PTK2: variants seen among roughly 807,000 people sequenced by gnomAD.
The protein encoded by PTK2 is protein tyrosine kinase 2.
In PTK2, 45 loss-of-function variants were observed where a neutral mutation model predicts 150.1. The ratio of observed to expected loss-of-function variants is 0.30; its 90% confidence interval spans 0.24 to 0.38. PTK2 has a LOEUF of 0.38. Among genes scored for constraint, PTK2 ranks in the 10% least tolerant of loss-of-function variants. The pLI, the probability that PTK2 is intolerant of heterozygous loss-of-function variation, is 1.00. For missense variants in PTK2, 919 were observed against 1,307.3 expected, an observed-to-expected ratio of 0.70 and a Z score of 4.58; for synonymous variants, 432 against 449.2, an observed-to-expected ratio of 0.96 and a Z score of 0.48.
At chr8:140,973,366 T>C (rs755513304) in intron 1 of PTK2, among the ~76,000 whole-genome samples, 1 of 152,312 alleles carries the variant, frequency 6.6e-6, no homozygotes, top group Middle Eastern at 3.4e-3. Context: ...CTCCATCAAA[T>C]GGTCATTTGA....
intron 1 of PTK2, among the ~76,000 whole-genome samples, chr8:140,976,659 T>G (rs1228895270): frequency 6.6e-6 from 1 of 152,244 alleles, no homozygotes; most frequent in African/African-American, 2.4e-5. Context: ...AAGCTGATAA[T>G]GTACATTAAC....
chr8:140,686,916 C>G (rs1348832844), intron 26 of PTK2: 1 of 536,780 alleles, frequency 1.9e-6, no homozygotes, highest in African/African-American at 1.9e-5. Flanking sequence ...AGACTGGTAC[C>G]TGCACTGGCC....
intron 2 of PTK2, among the ~76,000 whole-genome samples, chr8:140,896,785 A>G (rs1280719670): frequency 2.3e-5 from 1 of 42,948 alleles, no homozygotes; most frequent in Non-Finnish European, 6.0e-5. Context: ...CCCCCCAAAA[A>G]AACGGGGGGG....
chr8:140,962,822 A>T (rs2100183823), intron 1 of PTK2, among the ~76,000 whole-genome samples: 1 of 149,930 alleles, frequency 6.7e-6, no homozygotes. Context: ...TCCCAGCATT[A>T]GTGACACTCC....
chr8:140,874,237 C>G (rs2100144270), intron 4 of PTK2, among the ~76,000 whole-genome samples: 1 of 152,194 alleles, frequency 6.6e-6, no homozygotes, highest in African/African-American at 2.4e-5. Context: ...GCTTACCAAG[C>G]TGTTTGAAGA....
At chr8:140,947,876 A>G (rs1378417123) in intron 1 of PTK2, among the ~76,000 whole-genome samples, 1 of 151,952 alleles carries the variant, frequency 6.6e-6, no homozygotes, top group South Asian at 2.2e-4. Flanking sequence ...ACCCTCGGAC[A>G]AAAAATAATA....
intron 2 of PTK2, among the ~76,000 whole-genome samples, chr8:140,902,934 T>TTTG (rs1568514690): frequency 1.3e-4 from 17 of 134,238 alleles, no homozygotes; most frequent in Non-Finnish European, 2.4e-4. Flanking sequence ...GTTTTTTTTT[T>TTTG]TTTTTTTTTT....
In PTK2 at chr8:140,675,503, T is replaced by A; in HGVS notation, c.2563-4A>T. The A allele has an allele frequency of 6.2e-7, 1 of 1,608,370 alleles. No individual in the cohort carries two copies. Among genetic ancestry groups the A allele is most frequent in the Non-Finnish European group, 8.5e-7 (1 of 1,174,928 alleles). ...GATATATATGTTGGTTTCCAATCTGTGGGAAAAGAAAAGTTCAGTCAATGC... is the reference window on the plus strand; with the variant it reads ...GATATATATGTTGGTTTCCAATCTGAGGGAAAAGAAAAGTTCAGTCAATGC... On this transcript the variant is annotated splice_polypyrimidine_tract_variant and splice_region_variant and intron_variant, in intron 27 of 31. Transcript: ENST00000522684.
At chr8:140,954,823 T>C (rs1238495052) in intron 1 of PTK2, 2 of 152,290 alleles carry the variant, frequency 1.3e-5, no homozygotes, top group African/African-American at 2.4e-5. Context: ...CCTCTTTCCA[T>C]TGCAGTCAGA....
At chr8:140,943,430 T>C (rs1299235515) in intron 1 of PTK2, among the ~76,000 whole-genome samples, 1 of 152,260 alleles carries the variant, frequency 6.6e-6, no homozygotes, top group Non-Finnish European at 1.5e-5. Flanking sequence ...TTTTTATTGC[T>C]GTATAGGATT....
At chr8:140,869,949 T>C (rs1177325109) in intron 4 of PTK2, among the ~76,000 whole-genome samples, 2 of 152,090 alleles carry the variant, frequency 1.3e-5, no homozygotes, top group East Asian at 1.9e-4. Flanking sequence ...CATATATGTG[T>C]ATAATATATA....
intron 7 of PTK2, among the ~76,000 whole-genome samples, chr8:140,840,305 G>C (rs997811291): frequency 1.3e-5 from 2 of 152,326 alleles, no homozygotes; most frequent in Admixed American, 1.3e-4. Flanking sequence ...TGGCCTCCCA[G>C]TGTGCTGGGA....
chr8:140,723,834 G>C (rs1170373154), intron 22 of PTK2, among the ~76,000 whole-genome samples: 2 of 152,182 alleles, frequency 1.3e-5, no homozygotes, highest in African/African-American at 2.4e-5. Flanking sequence ...TCCTGAAGCG[G>C]GGAAAGGAGT....
intron 30 of PTK2, among the ~76,000 whole-genome samples, chr8:140,666,803 A>G (rs1209436357): frequency 6.6e-6 from 1 of 152,224 alleles, no homozygotes; most frequent in Non-Finnish European, 1.5e-5. Flanking sequence ...GGTCTCAAAA[A>G]GATATTTGTA....
chr8:140,798,886 A>G (rs1287239100), intron 12 of PTK2, among the ~76,000 whole-genome samples: 1 of 152,226 alleles, frequency 6.6e-6, no homozygotes, highest in African/African-American at 2.4e-5. Flanking sequence ...AATAAAAAAT[A>G]AAGCACAAAG....
At chr8:140,845,422 G>C (rs1466761972) in intron 7 of PTK2, among the ~76,000 whole-genome samples, 1 of 151,734 alleles carries the variant, frequency 6.6e-6, no homozygotes, top group Non-Finnish European at 1.5e-5. Flanking sequence ...TTATCCTCTT[G>C]ACTGGCTTCC....
intron 8 of PTK2, chr8:140,822,330 T>C (rs1056732448): frequency 2.0e-5 from 3 of 148,560 alleles, no homozygotes; most frequent in Non-Finnish European, 3.0e-5. Flanking sequence ...TCTGTGCATA[T>C]AGTGCTATTA....
intron 22 of PTK2, among the ~76,000 whole-genome samples, chr8:140,720,396 A>G (rs1181626773): frequency 6.6e-6 from 1 of 152,040 alleles, no homozygotes; most frequent in Admixed American, 6.5e-5. Flanking sequence ...AAGCTGAGTA[A>G]ATTCAGGGAT....
At chr8:140,945,545 C>T (rs371995025) in intron 1 of PTK2, among the ~76,000 whole-genome samples, 1 of 151,944 alleles carries the variant, frequency 6.6e-6, no homozygotes, top group South Asian at 2.1e-4. Flanking sequence ...ATGAACATGC[C>T]ACTCACTGTA....
Sources: allele counts gnomAD v4.1 joint callset (sites outside exome capture counted in the v4.1 genomes callset), GRCh38; gene constraint gnomAD v4.1.1; transcripts MANE v1.5; gene names NCBI Gene and HGNC (gene_info 2026-07-23, HGNC 2026-07-21).